Variants in PPP2R3A observed in about 807,000 individuals in gnomAD.
PPP2R3A encodes the protein protein phosphatase 2 regulatory subunit B''alpha.
A neutral mutation model predicts 106.9 loss-of-function variants in PPP2R3A; 80 were observed. The ratio of observed to expected loss-of-function variants is 0.75; its 90% CI spans 0.62 to 0.90. The LOEUF (loss-of-function observed/expected upper bound fraction) is 0.90, where lower values mean the gene tolerates loss of function less well. Ranked by LOEUF, PPP2R3A falls within the 40% of genes least tolerant of loss-of-function variation. PPP2R3A has a pLI of 0.00. For missense variants in PPP2R3A, 1,386 were observed against 1,350.4 expected, an observed-to-expected ratio of 1.03 and a Z score of -0.41; for synonymous variants, 483 against 468.3, an observed-to-expected ratio of 1.03 and a Z score of -0.41.
At chr3:136,058,551 G>A (rs7307758) in intron 5 of PPP2R3A, among the ~76,000 whole-genome samples, 2 of 152,092 alleles carry the variant, frequency 1.3e-5, no homozygotes, top group Non-Finnish European at 2.9e-5. Flanking sequence ...ATGCTCATGG[G>A]TAGCAAGAAT....
chr3:136,086,353 G>A (rs898049797), intron 8 of PPP2R3A, among the ~76,000 whole-genome samples: 29 of 151,900 alleles, frequency 1.9e-4, no homozygotes, highest in Non-Finnish European at 2.9e-4. Flanking sequence ...GTGGTGGTGC[G>A]TGCCTGTAAT....
At chr3:136,004,589 C>T (rs1933779324) in intron 2 of PPP2R3A, among the ~76,000 whole-genome samples, 1 of 152,116 alleles carries the variant, frequency 6.6e-6, no homozygotes, top group Non-Finnish European at 1.5e-5. Flanking sequence ...CTATATGTAT[C>T]AACATGTATG....
At chr3:135,978,384 T>C (rs1937477900) in intron 1 of PPP2R3A, among the ~76,000 whole-genome samples, 1 of 151,798 alleles carries the variant, frequency 6.6e-6, no homozygotes, top group African/African-American at 2.4e-5. Flanking sequence ...GAATTGTCAA[T>C]TGAAAGACCC....
In PPP2R3A at chr3:136,096,418, A is replaced by G. The variant is rs1175931169; in HGVS notation, c.2928-5589A>G. On this transcript the variant is annotated intron_variant, in intron 10 of 13. Coordinates refer to ENST00000264977, the MANE Select transcript of PPP2R3A (RefSeq NM_002718.5). ...GAAATTAGGATCTAGAGTCTTTCCTATGCCTGGTAACAGAGGTAGATATGG... is the reference window on the plus strand; with the variant it reads ...GAAATTAGGATCTAGAGTCTTTCCTGTGCCTGGTAACAGAGGTAGATATGG... Among the ~76,000 whole-genome samples, 8 of 152,192 alleles carry G rather than the reference A, an allele frequency of 5.3e-5. 1 individual carries two copies. Among genetic ancestry groups the G allele is most frequent in the African/African-American group, 2.4e-5 (1 of 41,454 alleles).
chr3:136,074,677 T>C (rs1212269077), intron 6 of PPP2R3A, among the ~76,000 whole-genome samples: 1 of 152,224 alleles, frequency 6.6e-6, no homozygotes, highest in African/African-American at 2.4e-5. Context: ...CTTGCTCCAA[T>C]GGTGTGTCTT....
intron 3 of PPP2R3A, among the ~76,000 whole-genome samples, chr3:136,028,040 A>G (rs952959474): frequency 5.9e-5 from 9 of 152,200 alleles, no homozygotes; most frequent in African/African-American, 1.9e-4. Context: ...GCCTGGCCCC[A>G]GAGTTTCTTT....
intron 5 of PPP2R3A, among the ~76,000 whole-genome samples, chr3:136,059,754 A>G (rs1411633472): frequency 1.3e-5 from 2 of 152,360 alleles, no homozygotes; most frequent in East Asian, 3.9e-4. Flanking sequence ...GATAGACCAG[A>G]TAAAGAAAAT....
intron 8 of PPP2R3A, among the ~76,000 whole-genome samples, chr3:136,084,423 A>G (rs1389901916): frequency 6.6e-6 from 1 of 152,216 alleles, no homozygotes; most frequent in Non-Finnish European, 1.5e-5. Flanking sequence ...ATGTATAAAA[A>G]CACCTGGATG....
At chr3:135,990,404 G>A (rs1933110031) in intron 1 of PPP2R3A, among the ~76,000 whole-genome samples, 1 of 152,114 alleles carries the variant, frequency 6.6e-6, no homozygotes. Context: ...GGACCCAGGA[G>A]GAGCTCAATA....
rs928811441 is a variant in PPP2R3A at position 136,146,254 on chromosome 3, C to G, written c.*1088C>G. ...ACAGAATCCTACATTTTTCAGCAGG[C>G]CACAGTCCAGCCAAATCCTATAATA... On this transcript the variant is annotated 3_prime_UTR_variant, in exon 14 of 14. Transcript: ENST00000264977. The G allele has an allele frequency of 6.6e-6, 1 of 152,156 alleles. No homozygotes were observed. Among genetic ancestry groups the G allele is most frequent in the Non-Finnish European group, 1.5e-5 (1 of 68,028 alleles). 9.4% of individuals were successfully genotyped at this position (152,156 alleles called of 1,614,324 possible).
intron 3 of PPP2R3A, among the ~76,000 whole-genome samples, chr3:136,030,843 CACAT>C (rs1440510286): frequency 6.6e-6 from 1 of 150,510 alleles, no homozygotes; most frequent in Non-Finnish European, 1.5e-5. Flanking sequence ...CACACACACA[CACAT>C]GCCCCAGTTT....
chr3:136,013,504 G>T (rs891276237), intron 2 of PPP2R3A, among the ~76,000 whole-genome samples: 1 of 151,864 alleles, frequency 6.6e-6, no homozygotes, highest in South Asian at 2.1e-4. Context: ...TCACCACCAT[G>T]CCAATATCTA....
chr3:136,016,794 AT>A (rs201335098), intron 2 of PPP2R3A, among the ~76,000 whole-genome samples: 2,160 of 152,278 alleles, frequency 0.014, 31 homozygotes, highest in Non-Finnish European at 0.022. Flanking sequence ...TAAGTGGAGC[AT>A]TTAGGCCATT....
chr3:136,093,742 A>G (rs890701756), intron 10 of PPP2R3A, among the ~76,000 whole-genome samples: 1 of 152,244 alleles, frequency 6.6e-6, no homozygotes, highest in African/African-American at 2.4e-5. Flanking sequence ...GAGTCAGATA[A>G]TAACAGGTGC....
In PPP2R3A at chr3:136,031,817, T is replaced by C. The variant is rs569891207; in HGVS notation, c.2262+4719T>C. Among the ~76,000 whole-genome samples the C allele has an allele frequency of 1.3e-4, 20 of 152,342 alleles. No homozygotes were observed. The South Asian group carries it at 4.1e-3, about 32-fold the overall frequency. On this transcript the variant is annotated intron_variant, in intron 3 of 13. Coordinates refer to ENST00000264977, the MANE Select transcript of PPP2R3A (RefSeq NM_002718.5). ...TTGTCAAAGATCAGTTGGCTGTAAG[T>C]ATTGGGCTTTATCTCTGTGTTCTCT...
chr3:136,084,225 T>C (rs1936864154), intron 8 of PPP2R3A, among the ~76,000 whole-genome samples: 1 of 152,216 alleles, frequency 6.6e-6, no homozygotes, highest in Admixed American at 6.5e-5. Flanking sequence ...ATGCAGCCTC[T>C]GAACATGGTG....
chr3:136,144,034 G>A (rs1938995849), intron 13 of PPP2R3A, among the ~76,000 whole-genome samples: 1 of 152,200 alleles, frequency 6.6e-6, no homozygotes. Flanking sequence ...ATCTACATAT[G>A]AGGCTCAGAG....
Position 136,082,369 on chromosome 3 carries a change from T to C in PPP2R3A, c.2736T>C (p.Thr912=). 2 of 1,613,654 alleles carry C rather than the reference T, an allele frequency of 1.2e-6. No homozygotes were observed. Among genetic ancestry groups the C allele is most frequent in the Non-Finnish European group, 1.7e-6 (2 of 1,179,530 alleles). Residue 912 remains threonine (T), a synonymous_variant, in exon 8 of 14, where the codon ACT becomes ACC. Transcript: ENST00000264977. ...VIYCKFWELD[T]DHDLYISQAD... is the part of the protein sequence containing the mutation. ...ATTGTAAATTCTGGGAACTAGATAC[T>C]GATCACGACCTCTACATCAGCCAGG... is the stretch of plus-strand genomic sequence containing the variant.
chr3:136,115,551 A>C (rs1196809610), intron 13 of PPP2R3A, among the ~76,000 whole-genome samples: 1 of 151,954 alleles, frequency 6.6e-6, no homozygotes, highest in Non-Finnish European at 1.5e-5. Flanking sequence ...AAAGAACAAC[A>C]TAAATGACCT....
Sources: gnomAD v4.1 joint callset for allele counts (sites outside exome capture counted in the v4.1 genomes callset) on GRCh38, gnomAD v4.1.1 for gene constraint, MANE v1.5 for transcripts, NCBI Gene and HGNC (gene_info 2026-07-23, HGNC 2026-07-21) for gene names.